CYP2J2: variants seen among roughly 807,000 people sequenced by gnomAD.
The protein encoded by CYP2J2 is cytochrome P450 2J2.
A neutral mutation model predicts 48.8 loss-of-function variants in CYP2J2; 41 were observed. The observed-to-expected ratio is 0.84, with a 90% CI of 0.66 to 1.09. CYP2J2 has a LOEUF of 1.09. Among genes scored for constraint, CYP2J2 ranks in the 50% least tolerant of loss-of-function variants. CYP2J2 has a pLI of 0.00. For synonymous variants in CYP2J2, 221 were observed against 227.1 expected (o/e 0.97, Z 0.24); for missense variants, 644 against 617.3 (o/e 1.04, Z -0.46).
intron 7 of CYP2J2, among the ~76,000 whole-genome samples, chr1:59,903,122 G>A (rs1256920232): frequency 6.6e-6 from 1 of 152,202 alleles, no homozygotes; most frequent in Non-Finnish European, 1.5e-5. Flanking sequence ...TGGTCAATCA[G>A]TAAGGAAATA....
At chr1:59,900,940 C>A (rs1278472918) in intron 8 of CYP2J2, 25 bp downstream of exon 8, 1 of 1,607,784 alleles carries the variant, frequency 6.2e-7, no homozygotes, top group East Asian at 2.2e-5. Flanking sequence ...CCTGGACTCC[C>A]ACACACCTGT....
intron 2 of CYP2J2, among the ~76,000 whole-genome samples, chr1:59,913,735 A>G (rs551167080): frequency 1.3e-5 from 2 of 152,312 alleles, no homozygotes; most frequent in East Asian, 3.9e-4. Flanking sequence ...ACTGTCTGTA[A>G]CCTAAAATGC....
the CYP2J2 span, among the ~76,000 whole-genome samples, chr1:59,947,217 A>G: frequency 6.6e-6 from 1 of 152,180 alleles, no homozygotes; most frequent in African/African-American, 2.4e-5. Context: ...TACATTTTGT[A>G]AAGCAAAACA....
chr1:59,955,292 CCATATATATATA>C, the CYP2J2 span, among the ~76,000 whole-genome samples: 1 of 112,508 alleles, frequency 8.9e-6, no homozygotes, highest in Non-Finnish European at 1.7e-5. Flanking sequence ...ATATATATAT[CCATATATATATA>C]TCCATATATA....
chr1:59,912,404 GAGA>G, intron 2 of CYP2J2, 93 bp from the exon 3 acceptor site: 1 of 1,388,084 alleles, frequency 7.2e-7, no homozygotes, highest in Non-Finnish European at 9.8e-7. Flanking sequence ...TGAAGGACAG[GAGA>G]AGATCATTAA....
chr1:59,956,471 TCTC>T, the CYP2J2 span, among the ~76,000 whole-genome samples: 1 of 152,110 alleles, frequency 6.6e-6, no homozygotes, highest in African/African-American at 2.4e-5. Flanking sequence ...AGGACTCTCT[TCTC>T]TTTTTTCAAT....
chr1:59,912,566 A>G (rs1326665691), intron 2 of CYP2J2: 1 of 358,492 alleles, frequency 2.8e-6, no homozygotes, highest in Non-Finnish European at 5.0e-6. Flanking sequence ...TGGGATAGGT[A>G]CAATTATTAC....
At chr1:59,966,931 G>T in the CYP2J2 span, among the ~76,000 whole-genome samples, 1 of 151,998 alleles carries the variant, frequency 6.6e-6, no homozygotes, top group Non-Finnish European at 1.5e-5. Flanking sequence ...GGTGGTGGGT[G>T]GTTGAAAGGC....
upstream of CYP2J2, among the ~76,000 whole-genome samples, chr1:59,926,977 A>C (rs1299695269): frequency 6.6e-6 from 1 of 152,216 alleles, no homozygotes; most frequent in African/African-American, 2.4e-5. Context: ...GTTTACTGAG[A>C]GCGCCACAGA....
the CYP2J2 span, among the ~76,000 whole-genome samples, chr1:59,937,606 C>T: frequency 6.6e-6 from 1 of 152,074 alleles, no homozygotes; most frequent in East Asian, 1.9e-4. Context: ...TGATCTCTTT[C>T]TCTAGGTTTG....
In CYP2J2 at chr1:59,902,443, A is replaced by G. The variant is rs145279440; in HGVS notation, c.1192-1340T>C. Among the ~76,000 whole-genome samples the G allele has an allele frequency of 3.7e-3, 567 of 151,636 alleles. 4 individuals carry two copies. The highest frequency in any genetic ancestry group is 0.013 in the African/African-American group (541 of 41,252). On this transcript the variant is annotated intron_variant, in intron 7 of 8. Transcript: ENST00000371204. ...ATTAGTAATAACTTTTTTTTTTAATACAGACTCTCACTCTGTCACTGAGGC... is the reference window on the plus strand; with the variant it reads ...ATTAGTAATAACTTTTTTTTTTAATGCAGACTCTCACTCTGTCACTGAGGC...
chr1:59,907,922 T>C lies in CYP2J2; in HGVS notation c.867A>G (p.Thr289=). 6.2e-7 allele frequency: 1 copy of C among 1,614,036 alleles called. No homozygotes were observed. Among genetic ancestry groups the C allele is most frequent in the Non-Finnish European group, 8.5e-7 (1 of 1,179,920 alleles). ...DAYLKEMSKH[T]GNPTSSFHEE... ...CATGGAAACTTGAAGTAGGATTGCC[T>C]GTGTGCTAGAAAACACAATGTTTGA... is the stretch of plus-strand genomic sequence containing the variant. The change falls in exon 6 of 9, where the codon ACA becomes ACG. Residue 289 remains threonine, a synonymous_variant. Coordinates refer to ENST00000371204, the MANE Select transcript of CYP2J2 (RefSeq NM_000775.4).
At position 59,926,726 on chromosome 1, in the gene CYP2J2, A is replaced by G; in HGVS notation, c.21T>C (p.Ser7=). The part of the protein sequence containing the change: MLAAMG[S]LAAALWAVVH... ...CCACTGCCCAGAGGGCAGCCGCCAG[A>G]GAGCCCATCGCCGCGAGCATGGCTC... is the stretch of plus-strand genomic sequence containing the variant. The change falls in exon 1 of 9, where the codon TCT becomes TCC. Residue 7 remains serine, a synonymous_variant. Coordinates refer to ENST00000371204, the MANE Select transcript of CYP2J2 (RefSeq NM_000775.4). The G allele has an allele frequency of 6.2e-7, 1 of 1,613,696 alleles. No individual in the cohort carries two copies. The highest frequency in any genetic ancestry group is 1.3e-5 in the African/African-American group (1 of 75,056).
chr1:59,897,313 A>G (rs557482929), intron 8 of CYP2J2, among the ~76,000 whole-genome samples: 1 of 152,370 alleles, frequency 6.6e-6, no homozygotes, highest in East Asian at 1.9e-4. Flanking sequence ...AACTGGCTTC[A>G]TCAGTAACCA....
chr1:59,895,525 T>C (rs1644261202), intron 8 of CYP2J2, among the ~76,000 whole-genome samples: 1 of 152,246 alleles, frequency 6.6e-6, no homozygotes, highest in South Asian at 2.1e-4. Context: ...TGTAAAATTA[T>C]TCTTTTTCTC....
rs77858211 is a variant in CYP2J2, at chr1:59,910,447, T to C, written c.685-487A>G. On this transcript the variant is annotated intron_variant, in intron 4 of 8. Coordinates refer to ENST00000371204, the MANE Select transcript of CYP2J2 (RefSeq NM_000775.4). ...TACAGTGAAAATGGCCATGTGTTGA[T>C]AATTGTTAGAGCTCACTGATGAGTA... is the stretch of plus-strand genomic sequence containing the variant. Among the ~76,000 whole-genome samples the C allele has an allele frequency of 9.9e-4, 150 of 150,952 alleles. No homozygotes were observed. In the East Asian group the frequency reaches 0.016, roughly 17 times the overall value.
intron 1 of CYP2J2, among the ~76,000 whole-genome samples, chr1:59,924,608 A>C (rs1644547996): frequency 6.6e-6 from 1 of 152,128 alleles, no homozygotes; most frequent in African/African-American, 2.4e-5. Context: ...AATCAGCTAC[A>C]TCTGCATATC....
At chr1:59,950,246 C>T in the CYP2J2 span, among the ~76,000 whole-genome samples, 3 of 152,148 alleles carry the variant, frequency 2.0e-5, no homozygotes, top group South Asian at 2.1e-4. Context: ...GGAGACACTG[C>T]TCTTCTCCAG....
At chr1:59,962,436 G>GA in the CYP2J2 span, among the ~76,000 whole-genome samples, 1 of 151,952 alleles carries the variant, frequency 6.6e-6, no homozygotes, top group African/African-American at 2.4e-5. Context: ...ACTCCAGGGG[G>GA]AAAAAAATTC....
Sources: gnomAD v4.1 joint callset for allele counts (sites outside exome capture counted in the v4.1 genomes callset) on GRCh38, gnomAD v4.1.1 for gene constraint, MANE v1.5 for transcripts, NCBI Gene and HGNC (gene_info 2026-07-23, HGNC 2026-07-21) for gene names.